NMT2: variants seen among roughly 807,000 people sequenced by gnomAD.
NMT2 encodes N-myristoyltransferase 2.
NMT2 carries 35 observed loss-of-function variants against 65.4 expected under a neutral mutation model. That is an observed-to-expected ratio of 0.54 (90% CI 0.41 to 0.71). The LOEUF is 0.71. Among genes scored for constraint, NMT2 ranks in the 30% least tolerant of loss-of-function variants. The probability of loss-of-function intolerance (pLI) is 0.00; values close to 1 mark genes in which losing one functional copy is unlikely to be tolerated. For synonymous variants in NMT2, 226 were observed against 231.8 expected, an observed-to-expected ratio of 0.98 and a Z score of 0.23; for missense variants, 489 against 611.3, an observed-to-expected ratio of 0.80 and a Z score of 2.11.
chr10:15,112,661 G>A (rs1029396554), intron 10 of NMT2, 135 bp downstream of exon 10: 5 of 810,468 alleles, frequency 6.2e-6, no homozygotes, highest in Non-Finnish European at 9.2e-6. Context: ...TTCTTCCTTT[G>A]ACTGATGATC....
chr10:15,166,744 A>C lies in NMT2; in HGVS notation c.110+1759T>G, dbSNP rs1187640475. ...CCTTTCTAATATATAAAATGTGCTGATATACAAAACTGAAAACTTCCGAAG... is the reference window on the plus strand; with the variant it reads ...CCTTTCTAATATATAAAATGTGCTGCTATACAAAACTGAAAACTTCCGAAG... On this transcript the variant is annotated intron_variant, in intron 1 of 11. Coordinates refer to ENST00000378165, the MANE Select transcript of NMT2 (RefSeq NM_004808.3). Among the ~76,000 whole-genome samples, 4 of 152,192 alleles carry C rather than the reference A, an allele frequency of 2.6e-5. No homozygotes were observed. The East Asian group carries it at 7.7e-4, about 29-fold the overall frequency.
intron 1 of NMT2, among the ~76,000 whole-genome samples, chr10:15,162,994 C>T (rs1483559571): frequency 6.6e-6 from 1 of 151,646 alleles, no homozygotes; most frequent in Non-Finnish European, 1.5e-5. Flanking sequence ...TACAGTAGTG[C>T]GATCACAGCT....
chr10:15,107,775 T>C lies in NMT2; in HGVS notation c.*1420A>G, dbSNP rs913305964. Reference sequence around the variant, plus strand: ...CAGCCAAGGCATCTACTTTGTGGTATCTGAGTTGAGGCCAGGCTACGTGGC... The same window carrying C: ...CAGCCAAGGCATCTACTTTGTGGTACCTGAGTTGAGGCCAGGCTACGTGGC... On this transcript the variant is annotated 3_prime_UTR_variant, in exon 12 of 12. Transcript: ENST00000378165. 86 of 976,542 alleles carry C rather than the reference T, an allele frequency of 8.8e-5. No individual in the cohort carries two copies. The African/African-American group carries it at 1.5e-3, about 17-fold the overall frequency. 60.5% of individuals were successfully genotyped at this position (976,542 alleles called of 1,614,324 possible). A position where few individuals can be genotyped will look rare whatever the true frequency, so the allele number is the denominator to read the frequency against.
In NMT2 at chr10:15,135,350, C is replaced by T. The variant is rs772575443; in HGVS notation, c.315G>A (p.Gln105=). 20 of 1,614,172 alleles carry T rather than the reference C, an allele frequency of 1.2e-5. No homozygotes were observed. The highest frequency in any genetic ancestry group is 1.6e-5 in the Non-Finnish European group (19 of 1,180,016). Residue 105 remains glutamine (Q), a synonymous_variant, in exon 3 of 12, where the codon CAG becomes CAA. Coordinates refer to ENST00000378165, the MANE Select transcript of NMT2 (RefSeq NM_004808.3). ...QRAMELLSAC[Q]GPARNIDEAA... Reference sequence around the variant, plus strand: ...CCTCATCAATGTTCCTGGCTGGGCCCTGGCATGCGGATAGCAGCTCCATTG... The same window carrying T: ...CCTCATCAATGTTCCTGGCTGGGCCTTGGCATGCGGATAGCAGCTCCATTG...
chr10:15,132,388 C>T (rs1486942276), intron 6 of NMT2, among the ~76,000 whole-genome samples: 2 of 152,114 alleles, frequency 1.3e-5, no homozygotes, highest in Admixed American at 1.3e-4. Flanking sequence ...TACACAACCT[C>T]CCTGATCACC....
chr10:15,121,150 T>G (rs75729998), intron 8 of NMT2, among the ~76,000 whole-genome samples: 1 of 152,164 alleles, frequency 6.6e-6, no homozygotes, highest in Non-Finnish European at 1.5e-5. Flanking sequence ...GTAAACCTGA[T>G]TTTTCCCCCC....
rs536107919 is a variant in NMT2 at position 15,120,825 on chromosome 10, T to A, written c.1000-1312A>T. On this transcript the variant is annotated intron_variant, in intron 8 of 11. Coordinates refer to ENST00000378165, the MANE Select transcript of NMT2 (RefSeq NM_004808.3). The stretch of plus-strand genomic sequence containing the variant: ...AGCCATACCAGCCTGAAAGTGTCCA[T>A]CTTGTCTAACGGCAAATGGCTGCCA... Among the ~76,000 whole-genome samples, 14 of 152,322 alleles carry A rather than the reference T, an allele frequency of 9.2e-5. No homozygotes were observed. The East Asian group carries it at 2.5e-3, about 27-fold the overall frequency.
chr10:15,118,439 G>A (rs952196195), intron 9 of NMT2, among the ~76,000 whole-genome samples: 3 of 152,040 alleles, frequency 2.0e-5, no homozygotes, highest in African/African-American at 7.2e-5. Context: ...CTCGGGAGGC[G>A]GAGGCAGGAG....
intron 2 of NMT2, among the ~76,000 whole-genome samples, chr10:15,140,178 A>G (rs1470633663): frequency 2.0e-5 from 3 of 152,096 alleles, no homozygotes; most frequent in Non-Finnish European, 2.9e-5. Flanking sequence ...GCTGCAGTGC[A>G]GTGGCGTGAT....
chr10:15,125,957 G>A (rs1312984565), intron 8 of NMT2, among the ~76,000 whole-genome samples: 2 of 151,780 alleles, frequency 1.3e-5, no homozygotes, highest in East Asian at 2.0e-4. Flanking sequence ...GAGCCACCGC[G>A]CCTGGCCGAA....
intron 1 of NMT2, chr10:15,154,890 C>G: frequency 1.2e-6 from 1 of 846,946 alleles, no homozygotes; most frequent in Non-Finnish European, 2.0e-6. Flanking sequence ...AATCTTGATG[C>G]CTTCTTTCAC....
intron 8 of NMT2, among the ~76,000 whole-genome samples, chr10:15,123,752 C>G (rs553058386): frequency 6.6e-6 from 1 of 152,178 alleles, no homozygotes; most frequent in East Asian, 1.9e-4. Flanking sequence ...GTTTCATAAG[C>G]AAACTCTGTA....
intron 3 of NMT2, among the ~76,000 whole-genome samples, chr10:15,135,041 T>C (rs778925307): frequency 2.0e-5 from 3 of 152,146 alleles, no homozygotes; most frequent in Non-Finnish European, 2.9e-5. Context: ...GATGTTTTTA[T>C]TGGGATAGAA....
chr10:15,121,429 G>A (rs1444244261), intron 8 of NMT2, among the ~76,000 whole-genome samples: 1 of 152,182 alleles, frequency 6.6e-6, no homozygotes, highest in East Asian at 1.9e-4. Flanking sequence ...GTGCAATGGT[G>A]CGATCTCGGT....
intron 1 of NMT2, among the ~76,000 whole-genome samples, chr10:15,146,620 C>T (rs958278282): frequency 3.9e-5 from 6 of 152,202 alleles, no homozygotes; most frequent in Non-Finnish European, 7.3e-5. Flanking sequence ...CAGAGCCACA[C>T]GATGGCGCAG....
At chr10:15,148,286 G>A (rs1013110312) in intron 1 of NMT2, among the ~76,000 whole-genome samples, 1 of 152,200 alleles carries the variant, frequency 6.6e-6, no homozygotes, top group Non-Finnish European at 1.5e-5. Context: ...AAGGCAGGAG[G>A]GCTGCTTGAG....
In NMT2 at chr10:15,108,662, A is replaced by C. The variant is rs151075997; in HGVS notation, c.*533T>G. Reference sequence around the variant, plus strand: ...TTTTAATATTGCTCTGCACTTAAACAACCACCACCTGTCACTGAGCTACAG... The same window carrying C: ...TTTTAATATTGCTCTGCACTTAAACCACCACCACCTGTCACTGAGCTACAG... On this transcript the variant is annotated 3_prime_UTR_variant, in exon 12 of 12. Transcript: ENST00000378165. 65 of 989,960 alleles carry C rather than the reference A, an allele frequency of 6.6e-5. No individual in the cohort carries two copies. In the Admixed American group the frequency reaches 2.5e-3, roughly 38 times the overall value. 61.3% of individuals were successfully genotyped at this position (989,960 alleles called of 1,614,324 possible).
intron 9 of NMT2, among the ~76,000 whole-genome samples, chr10:15,113,695 T>G (rs546849677): frequency 6.6e-6 from 1 of 152,238 alleles, no homozygotes; most frequent in South Asian, 2.1e-4. Flanking sequence ...GAAAGAATTA[T>G]ATCAGGCCTA....
Position 15,168,591 on chromosome 10 carries a change from C to G in NMT2, c.22G>C (p.Ala8Pro). The G allele has an allele frequency of 6.3e-7, 1 of 1,586,854 alleles. No homozygotes were observed. The highest frequency in any genetic ancestry group is 8.5e-7 in the Non-Finnish European group (1 of 1,171,096). ...AGTTCCAGGCTCTGCTGGCTGGCCG[C>G]AGACTCGCTGTCCTCCGCCATCGCG... MAEDSESAASQQSLELDD... is the reference protein window; with the variant it reads MAEDSESPASQQSLELDD... The change falls in exon 1 of 12, where the codon GCG becomes CCG. Residue 8 changes from alanine (A) to proline (P), a missense_variant. Physicochemically the swap from Ala to Pro is conservative, Grantham distance 27 (BLOSUM62 -1). Coordinates refer to ENST00000378165, the MANE Select transcript of NMT2 (RefSeq NM_004808.3).
Sources: gnomAD v4.1 joint callset for allele counts (sites outside exome capture counted in the v4.1 genomes callset) on GRCh38, gnomAD v4.1.1 for gene constraint, MANE v1.5 for transcripts, NCBI Gene and HGNC (gene_info 2026-07-23, HGNC 2026-07-21) for gene names.